The following AP3B1 variants were observed in gnomAD, a reference collection of about 807,000 sequenced individuals.
AP3B1 encodes the protein AP-3 complex subunit beta-1.
In AP3B1, 61 loss-of-function variants were observed where a neutral mutation model predicts 132.5. The observed-to-expected ratio is 0.46, with a 90% CI of 0.37 to 0.57. The LOEUF is 0.57. Among genes scored for constraint, AP3B1 ranks in the 20% least tolerant of loss-of-function variants. AP3B1 has a pLI of 0.00. For missense variants in AP3B1, 1,120 were observed against 1,289.4 expected (o/e 0.87, Z 2.01); for synonymous variants, 388 against 438.3 (o/e 0.89, Z 1.43).
Position 78,138,261 on chromosome 5 carries a change from T to C in AP3B1, c.1650+2882A>G, listed in dbSNP as rs1266254396. 2.0e-5 allele frequency among the ~76,000 whole-genome samples: 3 copies of C among 151,574 alleles called. No homozygotes were observed. The East Asian group carries it at 5.8e-4, about 29-fold the overall frequency. ...CAAGCGGATCACTTGAGGTCATGAGTTCAAGACCAGCCTGGCCAACATGGT... is the reference window on the plus strand; with the variant it reads ...CAAGCGGATCACTTGAGGTCATGAGCTCAAGACCAGCCTGGCCAACATGGT... On this transcript the variant is annotated intron_variant, in intron 15 of 26. Transcript: ENST00000255194.
At chr5:78,291,075 TCATAAAGC>T (rs562326060) in intron 1 of AP3B1, among the ~76,000 whole-genome samples, 1 of 152,202 alleles carries the variant, frequency 6.6e-6, no homozygotes, top group Non-Finnish European at 1.5e-5. Context: ...GGATCTACTT[TCATAAAGC>T]CATCTAATTC....
intron 7 of AP3B1, among the ~76,000 whole-genome samples, chr5:78,194,867 GA>G (rs780325132): frequency 3.9e-4 from 60 of 152,112 alleles, no homozygotes; most frequent in Non-Finnish European, 7.5e-4. Flanking sequence ...AAATGAAAAT[GA>G]CTCAAAAAGG....
intron 5 of AP3B1, among the ~76,000 whole-genome samples, chr5:78,226,879 A>T (rs1334970688): frequency 6.6e-6 from 1 of 152,142 alleles, no homozygotes; most frequent in Non-Finnish European, 1.5e-5. Flanking sequence ...CTATATTTCA[A>T]ATCACTACAC....
intron 17 of AP3B1, among the ~76,000 whole-genome samples, chr5:78,117,413 G>A (rs373621056): frequency 5.7e-4 from 86 of 151,458 alleles, no homozygotes; most frequent in African/African-American, 2.0e-3. Flanking sequence ...AGGTTCAAGC[G>A]ATTGTCCTGC....
Position 78,007,091 on chromosome 5 carries a change from C to T in AP3B1, c.3132-4036G>A, listed in dbSNP as rs1580230472. On this transcript the variant is annotated intron_variant, in intron 26 of 26. Coordinates refer to ENST00000255194, the MANE Select transcript of AP3B1 (RefSeq NM_003664.5). ...TTATTCTCCATGCACTTAAACTATACTTTTTAAGATTTGTAACAAACTGGC... is the reference window on the plus strand; with the variant it reads ...TTATTCTCCATGCACTTAAACTATATTTTTTAAGATTTGTAACAAACTGGC... Among the ~76,000 whole-genome samples the T allele has an allele frequency of 4.6e-5, 7 of 152,252 alleles. No homozygotes were observed. In the South Asian group the frequency reaches 1.5e-3, roughly 32 times the overall value.
At chr5:78,024,695 GCC>G (rs1469303014) in intron 24 of AP3B1, among the ~76,000 whole-genome samples, 1 of 150,880 alleles carries the variant, frequency 6.6e-6, no homozygotes, top group Non-Finnish European at 1.5e-5. Context: ...CTCCCTAGTA[GCC>G]GGGATTACAG....
intron 22 of AP3B1, among the ~76,000 whole-genome samples, chr5:78,054,719 G>A (rs1225212283): frequency 2.0e-5 from 3 of 152,152 alleles, no homozygotes; most frequent in Non-Finnish European, 4.4e-5. Flanking sequence ...TAAGTGAATT[G>A]TGACTTAGGG....
At chr5:78,262,681 T>A (rs1356880761) in intron 2 of AP3B1, among the ~76,000 whole-genome samples, 1 of 140,488 alleles carries the variant, frequency 7.1e-6, no homozygotes, top group African/African-American at 2.5e-5. Flanking sequence ...TTCAATTTTG[T>A]TCTTTTTTTT....
chr5:78,275,337 C>T (rs928975766), intron 1 of AP3B1, among the ~76,000 whole-genome samples: 1 of 152,104 alleles, frequency 6.6e-6, no homozygotes, highest in African/African-American at 2.4e-5. Flanking sequence ...AGATCTGCTG[C>T]CTGGACATAG....
chr5:78,243,021 C>T lies in AP3B1; in HGVS notation c.205-2085G>A, dbSNP rs1342726157. On this transcript the variant is annotated intron_variant, in intron 2 of 26. Coordinates refer to ENST00000255194, the MANE Select transcript of AP3B1 (RefSeq NM_003664.5). ...ATGTGATACTTGAAGCATTAGAATC[C>T]CCGTTACCAATTTCTTATAAGAACT... Among the ~76,000 whole-genome samples the T allele has an allele frequency of 2.6e-5, 4 of 151,962 alleles. No individual in the cohort carries two copies. The East Asian group carries it at 5.8e-4, about 22-fold the overall frequency.
chr5:78,168,033 A>T (rs527879527), intron 11 of AP3B1, among the ~76,000 whole-genome samples: 66 of 151,784 alleles, frequency 4.3e-4, no homozygotes, highest in Admixed American at 5.9e-4. Flanking sequence ...AAAAAACAAA[A>T]AAAATAAAAC....
At chr5:78,073,753 A>C (rs1749646778) in intron 22 of AP3B1, among the ~76,000 whole-genome samples, 1 of 152,192 alleles carries the variant, frequency 6.6e-6, no homozygotes, top group Non-Finnish European at 1.5e-5. Flanking sequence ...AAAAGCTAAA[A>C]ATCATAATCT....
chr5:78,242,317 T>C (rs1055159836), intron 2 of AP3B1, among the ~76,000 whole-genome samples: 2 of 152,192 alleles, frequency 1.3e-5, no homozygotes, highest in Admixed American at 1.3e-4. Context: ...TCTCCCCTTC[T>C]ATCTAAAGCA....
At chr5:78,279,929 T>TATATATATATATATATATATATATTA (rs1748979373) in intron 1 of AP3B1, among the ~76,000 whole-genome samples, 1 of 102,040 alleles carries the variant, frequency 9.8e-6, no homozygotes, top group African/African-American at 2.9e-5. Context: ...TATATATATA[T>TATATATATATATATATATATATATTA]TAGCCAGGCA....
intron 14 of AP3B1, among the ~76,000 whole-genome samples, chr5:78,154,848 C>T (rs1157626008): frequency 6.6e-6 from 1 of 152,084 alleles, no homozygotes; most frequent in African/African-American, 2.4e-5. Context: ...ATTCTAAATT[C>T]CTTCTCTGTG....
At chr5:78,061,665 C>T (rs947641205) in intron 22 of AP3B1, among the ~76,000 whole-genome samples, 1 of 152,226 alleles carries the variant, frequency 6.6e-6, no homozygotes, top group Non-Finnish European at 1.5e-5. Context: ...TTCAGCAGCA[C>T]TGTCAGCGCG....
chr5:78,189,485 ACTAT>A (rs1744738414), intron 7 of AP3B1, among the ~76,000 whole-genome samples: 1 of 152,288 alleles, frequency 6.6e-6, no homozygotes, highest in African/African-American at 2.4e-5. Context: ...TCGATGAATC[ACTAT>A]CTTATTAAAA....
At chr5:78,166,160 CACACACACACACAA>C (rs1561451938) in intron 11 of AP3B1, among the ~76,000 whole-genome samples, 2 of 98,614 alleles carry the variant, frequency 2.0e-5, no homozygotes, top group Non-Finnish European at 4.8e-5. Context: ...CACACACACA[CACACACACACACAA>C]ATCATATTGT....
At chr5:78,193,055 C>A (rs1744908930) in intron 7 of AP3B1, among the ~76,000 whole-genome samples, 5 of 152,182 alleles carry the variant, frequency 3.3e-5, no homozygotes, top group Admixed American at 3.3e-4. Flanking sequence ...GATAATGCAA[C>A]ATAACACAAT....
Sources: gnomAD v4.1 joint callset for allele counts (sites outside exome capture counted in the v4.1 genomes callset) on GRCh38, gnomAD v4.1.1 for gene constraint, MANE v1.5 for transcripts, NCBI Gene and HGNC (gene_info 2026-07-23, HGNC 2026-07-21) for gene names.